PRH1: variants seen among roughly 807,000 people sequenced by gnomAD.
PRH1 encodes the protein proline rich protein HaeIII subfamily 1.
In PRH1, 7 loss-of-function variants were observed where a neutral mutation model predicts 7.9. The ratio of observed to expected loss-of-function variants is 0.89; its 90% CI spans 0.50 to 1.67. The LOEUF is 1.67. PRH1 is among the 40% of genes most tolerant of loss of function. PRH1 has a pLI of 0.00. For synonymous variants in PRH1, 45 were observed against 80.8 expected, an observed-to-expected ratio of 0.56 and a Z score of 2.38; for missense variants, 109 against 223.6, an observed-to-expected ratio of 0.49 and a Z score of 3.27.
chr12:10,900,587 C>G (rs968209304), intron 2 of PRH1, among the ~76,000 whole-genome samples: 13 of 152,186 alleles, frequency 8.5e-5, no homozygotes, highest in African/African-American at 3.1e-4. Flanking sequence ...AGGAGGGGAG[C>G]TGCTACAGCC....
At chr12:11,136,941 C>A (rs1946575238) in intron 1 of PRH1, among the ~76,000 whole-genome samples, 1 of 152,174 alleles carries the variant, frequency 6.6e-6, no homozygotes, top group African/African-American at 2.4e-5. Context: ...GTATACCTGA[C>A]ATGAAAATGG....
At chr12:11,135,203 T>A (rs1946510707) in intron 1 of PRH1, among the ~76,000 whole-genome samples, 1 of 152,144 alleles carries the variant, frequency 6.6e-6, no homozygotes, top group South Asian at 2.1e-4. Context: ...TCTTGCAGTA[T>A]CCTCCCATCA....
intron 2 of PRH1, among the ~76,000 whole-genome samples, chr12:10,919,232 G>T (rs1950013300): frequency 6.6e-6 from 1 of 152,004 alleles, no homozygotes; most frequent in South Asian, 2.1e-4. Flanking sequence ...TATTTAAGAT[G>T]GAAAAATCTA....
At chr12:11,134,094 G>A in intron 1 of PRH1, 1 of 1,614,130 alleles carries the variant, frequency 6.2e-7, no homozygotes. Flanking sequence ...GAGACCGCCA[G>A]AGCAGTGAGA....
At chr12:10,950,471 T>C (rs1950553253) in intron 2 of PRH1, among the ~76,000 whole-genome samples, 1 of 151,888 alleles carries the variant, frequency 6.6e-6, no homozygotes, top group Non-Finnish European at 1.5e-5. Flanking sequence ...GAAATGTAAC[T>C]GTAGTTTAAA....
intron 1 of PRH1, among the ~76,000 whole-genome samples, chr12:11,141,428 T>C (rs1400713845): frequency 2.6e-5 from 4 of 152,202 alleles, no homozygotes; most frequent in East Asian, 1.9e-4. Flanking sequence ...TTAAGATGAG[T>C]AGATGTTAAA....
chr12:10,965,151 C>A, intron 2 of PRH1: 1 of 1,446,152 alleles, frequency 6.9e-7, no homozygotes, highest in Non-Finnish European at 9.4e-7. Flanking sequence ...AAAACAGTTG[C>A]ATACCAATGT....
intron 1 of PRH1, chr12:11,133,959 T>C (rs2136372842): frequency 6.2e-7 from 1 of 1,614,152 alleles, no homozygotes; most frequent in East Asian, 2.2e-5. Context: ...GCAAGCCAGC[T>C]GCTGAAATGG....
chr12:11,103,814 C>T (rs2597966), intron 1 of PRH1, among the ~76,000 whole-genome samples: 68,831 of 151,594 alleles, frequency 0.45, 16,392 homozygotes, highest in Non-Finnish European at 0.52. Context: ...ATGTTAGTGG[C>T]ATTACTGTTA....
At chr12:10,976,517 C>T (rs773268938) in intron 1 of PRH1, among the ~76,000 whole-genome samples, 3 of 152,080 alleles carry the variant, frequency 2.0e-5, no homozygotes, top group East Asian at 1.9e-4. Flanking sequence ...AAGACCTAGA[C>T]AACCATGAGC....
At chr12:11,126,671 T>G (rs1017955130) in intron 1 of PRH1, among the ~76,000 whole-genome samples, 1 of 152,162 alleles carries the variant, frequency 6.6e-6, no homozygotes, top group South Asian at 2.1e-4. Flanking sequence ...CTCAAAGTAA[T>G]TGCACTGATT....
intron 2 of PRH1, chr12:10,908,345 C>A: frequency 6.5e-7 from 1 of 1,546,560 alleles, no homozygotes; most frequent in Non-Finnish European, 8.7e-7. Flanking sequence ...CTGCAATATT[C>A]AATAATCTGT....
chr12:11,079,944 T>C (rs1403264527), intron 1 of PRH1, among the ~76,000 whole-genome samples: 1 of 129,034 alleles, frequency 7.7e-6, no homozygotes, highest in East Asian at 2.0e-4. Context: ...ATAACTAGAC[T>C]GCACACTTAG....
intron 1 of PRH1, among the ~76,000 whole-genome samples, chr12:11,063,929 T>C (rs1194122629): frequency 6.6e-6 from 1 of 152,078 alleles, no homozygotes; most frequent in African/African-American, 2.4e-5. Context: ...AGATGAATAA[T>C]AATAATTTCT....
intron 1 of PRH1, chr12:10,986,705 C>A: frequency 6.2e-7 from 1 of 1,612,440 alleles, no homozygotes; most frequent in Non-Finnish European, 8.5e-7. Context: ...TTCTGGAGAC[C>A]GCCAGAGCAG....
In PRH1 at chr12:11,090,049, A is replaced by G. The variant is rs1196994271; in HGVS notation, n.124-42861T>C. On this transcript the variant is annotated intron_variant and non_coding_transcript_variant, in intron 1 of 4. Coordinates refer to the PRH1 transcript ENST00000541977. ...TTTACCACATCAGCTTACCCATTTT[A>G]GCCACCCATTTATTTGTTCATTAAA... Among the ~76,000 whole-genome samples the G allele has an allele frequency of 2.6e-5, 3 of 116,222 alleles. 1 individual carries two copies. Among genetic ancestry groups the G allele is most frequent in the Non-Finnish European group, 6.1e-5 (3 of 49,088 alleles). 76.2% of individuals were successfully genotyped at this position (116,222 alleles called of 152,430 possible).
intron 1 of PRH1, among the ~76,000 whole-genome samples, chr12:11,040,115 C>T (rs1317792321): frequency 6.6e-6 from 1 of 152,184 alleles, no homozygotes; most frequent in African/African-American, 2.4e-5. Flanking sequence ...ACATGTTTCT[C>T]ACTGAAGAGT....
At chr12:10,897,877 G>A (rs1591656956) in intron 2 of PRH1, among the ~76,000 whole-genome samples, 1 of 152,106 alleles carries the variant, frequency 6.6e-6, no homozygotes, top group Non-Finnish European at 1.5e-5. Context: ...AGATTTGGGC[G>A]AGGACAGAAA....
intron 2 of PRH1, among the ~76,000 whole-genome samples, chr12:10,942,503 G>T (rs1006832461): frequency 2.0e-5 from 3 of 152,126 alleles, no homozygotes; most frequent in African/African-American, 7.2e-5. Flanking sequence ...AACGCTGGCA[G>T]TCACAGGCCT....
Sources: allele counts gnomAD v4.1 joint callset (sites outside exome capture counted in the v4.1 genomes callset), GRCh38; gene constraint gnomAD v4.1.1; transcripts MANE v1.5; gene names NCBI Gene and HGNC (gene_info 2026-07-23, HGNC 2026-07-21).